The following ADGRA2 variants were observed in gnomAD, a reference collection of about 807,000 sequenced individuals.
The protein encoded by ADGRA2 is G-protein coupled receptor 124.
ADGRA2 carries 61 observed loss-of-function variants against 98.7 expected under a neutral mutation model. That is an observed-to-expected ratio of 0.62 (90% confidence interval 0.50 to 0.76). ADGRA2 has a LOEUF of 0.76. Ranked by LOEUF, ADGRA2 falls within the 30% of genes least tolerant of loss-of-function variation. ADGRA2 has a pLI of 0.00. For synonymous variants in ADGRA2, 858 were observed against 831.5 expected, an observed-to-expected ratio of 1.03 and a Z score of -0.55; for missense variants, 1,712 against 1,860.0, an observed-to-expected ratio of 0.92 and a Z score of 1.46.
rs1805878665 is a variant in ADGRA2, at chr8:37,843,521, A to C, written c.*1166A>C. ...CCGTCTTTTCCCCAACCTAAAACCAACCACCAGCATTTCACTACAGGACCA... is the reference window on the plus strand; with the variant it reads ...CCGTCTTTTCCCCAACCTAAAACCACCCACCAGCATTTCACTACAGGACCA... On this transcript the variant is annotated 3_prime_UTR_variant, in exon 19 of 19. Transcript: ENST00000412232. 6.6e-6 allele frequency: 1 copy of C among 152,146 alleles called. No individual in the cohort carries two copies. The highest frequency in any genetic ancestry group is 2.4e-5 in the African/African-American group (1 of 41,398). The allele number at this position is 152,146 out of a possible 1,614,324, so 9.4% of individuals were successfully genotyped here.
chr8:37,810,666 T>C (rs376561691), intron 1 of ADGRA2, among the ~76,000 whole-genome samples: 30 of 152,190 alleles, frequency 2.0e-4, no homozygotes, highest in African/African-American at 6.7e-4. Context: ...TGGCTACTTT[T>C]TAAAAAATGT....
chr8:37,839,601 C>T lies in ADGRA2; in HGVS notation c.2490C>T (p.Asn830=), dbSNP rs1217636556. ...AVFAGGITLT[N]YQMVCQAVGI... The stretch of plus-strand genomic sequence containing the variant: ...TTGCGGGGGGCATCACACTCACCAA[C>T]TACCAGATGGTCTGCCAGGCGGTAA... Residue 830 remains asparagine (N), a synonymous_variant, in exon 16 of 19, where the codon AAC becomes AAT. Transcript: ENST00000412232. The T allele has an allele frequency of 3.1e-6, 5 of 1,614,120 alleles. No homozygotes were observed. The highest frequency in any genetic ancestry group is 4.2e-6 in the Non-Finnish European group (5 of 1,179,996).
In ADGRA2 at chr8:37,829,489, A is replaced by G. The variant is rs1486773554; in HGVS notation, c.484A>G (p.Asn162Asp). 1 of 1,612,984 alleles carries G rather than the reference A, an allele frequency of 6.2e-7. No individual in the cohort carries two copies. Among genetic ancestry groups the G allele is most frequent in the Admixed American group, 1.7e-5 (1 of 60,016 alleles). Residue 162 changes from asparagine (N) to aspartate (D), a missense_variant and splice_region_variant, in exon 5 of 19, where the codon AAC becomes GAC. By Grantham distance (23) the Asn-to-Asp change is conservative (BLOSUM62 1). Coordinates refer to ENST00000412232, the MANE Select transcript of ADGRA2 (RefSeq NM_032777.10). ...FQGLPRLLRL[N>D]ISGNIFSSLQ... ...TCAGTTGTCCCCTGTTCCCTGCAGAAACATATCTGGAAACATCTTCTCCAG... is the reference window on the plus strand; with the variant it reads ...TCAGTTGTCCCCTGTTCCCTGCAGAGACATATCTGGAAACATCTTCTCCAG...
chr8:37,824,123 C>A (rs1284618861), intron 2 of ADGRA2, among the ~76,000 whole-genome samples: 1 of 152,148 alleles, frequency 6.6e-6, no homozygotes, highest in Non-Finnish European at 1.5e-5. Context: ...TCTCCGCCTC[C>A]TGGGTTCAAG....
In ADGRA2 at chr8:37,830,811, G is replaced by A. The variant is rs1163208436; in HGVS notation, c.820G>A (p.Gly274Ser). The change falls in exon 7 of 19, where the codon GGC becomes AGC. Residue 274 changes from glycine to serine, a missense_variant. Coordinates refer to ENST00000412232, the MANE Select transcript of ADGRA2 (RefSeq NM_032777.10). This position sits in a 1 kb window ranked among gnomAD's most constrained non-coding sequence, Gnocchi z 4.8. ...CTTCCAGTGCTCTGCCAGCTACCTG[G>A]GCAACGACACCCGCATCCGCTGGTA... ...LPFQCSASYL[G>S]NDTRIRWYHN... 1.3e-6 allele frequency: 2 copies of A among 1,592,088 alleles called. No individual in the cohort carries two copies. Among genetic ancestry groups the A allele is most frequent in the Admixed American group, 1.7e-5 (1 of 57,180 alleles).
intron 13 of ADGRA2, among the ~76,000 whole-genome samples, chr8:37,837,124 T>G (rs972771441): frequency 7.2e-5 from 11 of 152,204 alleles, no homozygotes; most frequent in African/African-American, 2.4e-4. Flanking sequence ...GGCACAGGGA[T>G]GAGGGACCAC....
Position 37,827,859 on chromosome 8 carries a change from C to T in ADGRA2, c.339-1029C>T, listed in dbSNP as rs188911143. On this transcript the variant is annotated intron_variant, in intron 2 of 18. Transcript: ENST00000412232. ...CATAAAAATACCCTCCTTGGCCAAG[C>T]GCGGTGGCTCACACCTGTAACCCCA... Among the ~76,000 whole-genome samples the T allele has an allele frequency of 5.7e-3, 865 of 152,298 alleles. 5 individuals carry two copies. Among genetic ancestry groups the T allele is most frequent in the African/African-American group, 0.02 (830 of 41,562 alleles).
At chr8:37,839,978 G>A (rs1034179144) in intron 16 of ADGRA2, 143 bp from the exon 17 acceptor site, 14 of 730,594 alleles carry the variant, frequency 1.9e-5, no homozygotes, top group South Asian at 3.8e-5. Context: ...GAAGCTTGGC[G>A]AGTGTATGGG....
At position 37,829,863 on chromosome 8, in the gene ADGRA2, C is replaced by T. The variant is rs776402355; in HGVS notation, c.567C>T (p.Thr189=). The part of the protein sequence containing the change: ...LPALKVVDLG[T]EFLTCDCHLR... ...GCCCACCCTGCAGGGACTTGGGCAC[C>T]GAGTTCCTGACCTGTGACTGCCACC... The change falls in exon 6 of 19, where the codon ACC becomes ACT. Residue 189 remains threonine (T), a synonymous_variant. Coordinates refer to ENST00000412232, the MANE Select transcript of ADGRA2 (RefSeq NM_032777.10). 1.4e-5 allele frequency: 22 copies of T among 1,611,584 alleles called. No homozygotes were observed. Among genetic ancestry groups the T allele is most frequent in the South Asian group, 6.6e-5 (6 of 90,846 alleles).
At position 37,842,567 on chromosome 8, in the gene ADGRA2, C is replaced by G; in HGVS notation, c.*212C>G. 1 of 815,226 alleles carries G rather than the reference C, an allele frequency of 1.2e-6. No homozygotes were observed. Among genetic ancestry groups the G allele is most frequent in the African/African-American group, 1.8e-5 (1 of 55,666 alleles). The allele number at this position is 815,226 out of a possible 1,614,324, so 50.5% of individuals were successfully genotyped here. On this transcript the variant is annotated 3_prime_UTR_variant, in exon 19 of 19. Transcript: ENST00000412232. Reference sequence around the variant, plus strand: ...AGAAACACGCATAATACATTTCCGTCCAGCCCGGGGCAGTCTGACTGTCGG... The same window carrying G: ...AGAAACACGCATAATACATTTCCGTGCAGCCCGGGGCAGTCTGACTGTCGG...
chr8:37,797,459 G>T lies in ADGRA2; in HGVS notation c.191G>T (p.Arg64Leu), dbSNP rs1804363851. 7.0e-7 allele frequency: 1 copy of T among 1,423,770 alleles called. No individual in the cohort carries two copies. Among genetic ancestry groups the T allele is most frequent in the East Asian group, 2.8e-5 (1 of 35,192 alleles). The allele number at this position is 1,423,770 out of a possible 1,614,324, so 88.2% of individuals were successfully genotyped here. A position where few individuals can be genotyped will look rare whatever the true frequency, so the allele number is the denominator to read the frequency against. The change falls in exon 1 of 19, where the codon CGG becomes CTG. Residue 64 changes from arginine to leucine, a missense_variant. Arg to Leu is a moderately radical substitution (Grantham distance 102). Coordinates refer to ENST00000412232, the MANE Select transcript of ADGRA2 (RefSeq NM_032777.10). The surrounding 1 kb of genome is among the most constrained non-coding windows in gnomAD (Gnocchi z 5.3). Reference sequence around the variant, plus strand: ...GGCGGCGTCCCTGGCCCGGCTCGGCGGAGGGTGGTGTGCAGCGGCGGGGAC... The same window carrying T: ...GGCGGCGTCCCTGGCCCGGCTCGGCTGAGGGTGGTGTGCAGCGGCGGGGAC... ...LSGGVPGPAR[R>L]RVVCSGGDLP...
rs1224674355 is a variant in ADGRA2 at position 37,839,638 on chromosome 8, G to A, written c.2511+16G>A. 3 of 1,612,876 alleles carry A rather than the reference G, an allele frequency of 1.9e-6. No individual in the cohort carries two copies. The highest frequency in any genetic ancestry group is 2.5e-6 in the Non-Finnish European group (3 of 1,179,372). On this transcript the variant is annotated intron_variant, in intron 16 of 18. Transcript: ENST00000412232. Reference sequence around the variant, plus strand: ...CTGCCAGGCGGTAAGCAGGAGAAGGGGCTCTGGGGGTGGTGCTCCGAGATG... The same window carrying A: ...CTGCCAGGCGGTAAGCAGGAGAAGGAGCTCTGGGGGTGGTGCTCCGAGATG...
Position 37,828,903 on chromosome 8 carries a change from C to A in ADGRA2, c.354C>A (p.Asn118Lys). Reference protein sequence around the residue: ...SLLEKLDLRNNIISTVQPGAF... With the variant: ...SLLEKLDLRNKIISTVQPGAF... ...GCCTCTGCAGGGACCTGAGGAACAACATCATCAGCACAGTGCAGCCGGGCG... is the reference window on the plus strand; with the variant it reads ...GCCTCTGCAGGGACCTGAGGAACAAAATCATCAGCACAGTGCAGCCGGGCG... Residue 118 changes from asparagine to lysine, a missense_variant, in exon 3 of 19, where the codon AAC becomes AAA. Transcript: ENST00000412232. The A allele has an allele frequency of 6.3e-7, 1 of 1,598,950 alleles. No individual in the cohort carries two copies. Among genetic ancestry groups the A allele is most frequent in the South Asian group, 1.1e-5 (1 of 88,744 alleles).
rs1805822468 is a variant in ADGRA2 at position 37,842,145 on chromosome 8, A to G, written c.3807A>G (p.Ala1269=). ...SAAPLSEAGR[A]GQRRSASRDS... is the part of the protein sequence containing the mutation. Reference sequence around the variant, plus strand: ...CGCCGCTTTCTGAGGCGGGCCGGGCAGGCCAGCGCCGCAGCGCCAGCCGCG... The same window carrying G: ...CGCCGCTTTCTGAGGCGGGCCGGGCGGGCCAGCGCCGCAGCGCCAGCCGCG... Residue 1269 remains alanine, a synonymous_variant, in exon 19 of 19, where the codon GCA becomes GCG. Transcript: ENST00000412232. 1.3e-6 allele frequency: 2 copies of G among 1,502,424 alleles called. No homozygotes were observed. Among genetic ancestry groups the G allele is most frequent in the African/African-American group, 2.9e-5 (2 of 69,162 alleles). 93.1% of individuals were successfully genotyped at this position (1,502,424 alleles called of 1,614,324 possible).
chr8:37,796,896 AGCGGCG>A lies in ADGRA2; in HGVS notation c.-361_-356del. ...GGAGCTGCCTCCATCCATGGCACGG[AGCGGCG>A]GCGGCGGCGGCAGCAGGAGCCCGGC... On this transcript the variant is annotated 5_prime_UTR_variant, in exon 1 of 19. Transcript: ENST00000412232. 6.5e-6 allele frequency: 1 copy of A among 153,282 alleles called. No homozygotes were observed. Among genetic ancestry groups the A allele is most frequent in the Non-Finnish European group, 1.5e-5 (1 of 68,922 alleles). The allele number at this position is 153,282 out of a possible 1,614,324, so 9.5% of individuals were successfully genotyped here.
intron 2 of ADGRA2, among the ~76,000 whole-genome samples, chr8:37,818,079 G>A (rs1805028297): frequency 6.6e-6 from 1 of 152,182 alleles, no homozygotes; most frequent in African/African-American, 2.4e-5. Flanking sequence ...AAGAGGGAAA[G>A]CAGCTAAGCA....
Position 37,844,486 on chromosome 8 carries a change from T to A in ADGRA2, c.*2131T>A, listed in dbSNP as rs1291648226. 1.2e-6 allele frequency: 2 copies of A among 1,611,110 alleles called. No homozygotes were observed. Among genetic ancestry groups the A allele is most frequent in the African/African-American group, 1.3e-5 (1 of 74,846 alleles). On this transcript the variant is annotated 3_prime_UTR_variant, in exon 19 of 19. Coordinates refer to ENST00000412232, the MANE Select transcript of ADGRA2 (RefSeq NM_032777.10). ...CAGGATGAAGTGCTCCCAGTGGATA[T>A]CCATCAGGGAGGGTTAGGGACACTC... is the stretch of plus-strand genomic sequence containing the variant.
intron 1 of ADGRA2, among the ~76,000 whole-genome samples, chr8:37,808,928 G>A (rs1303087856): frequency 2.0e-5 from 3 of 151,978 alleles, no homozygotes; most frequent in East Asian, 1.9e-4. Context: ...AGGTTCAAGC[G>A]ATTCTCCTGC....
In ADGRA2 at chr8:37,828,968, C is replaced by T; in HGVS notation, c.410+9C>T. 1.3e-6 allele frequency: 2 copies of T among 1,558,406 alleles called. No individual in the cohort carries two copies. Among genetic ancestry groups the T allele is most frequent in the Non-Finnish European group, 1.7e-6 (2 of 1,154,114 alleles). ...GGGGAGCTGAAGCGTTTGTGAGTGGCACGCCCTCCCCTGACCCCACCCCTC... is the reference window on the plus strand; with the variant it reads ...GGGGAGCTGAAGCGTTTGTGAGTGGTACGCCCTCCCCTGACCCCACCCCTC... On this transcript the variant is annotated intron_variant, in intron 3 of 18. Coordinates refer to ENST00000412232, the MANE Select transcript of ADGRA2 (RefSeq NM_032777.10).
Sources: gnomAD v4.1 joint callset for allele counts (sites outside exome capture counted in the v4.1 genomes callset) on GRCh38, gnomAD v4.1.1 for gene constraint, Gnocchi (gnomAD v3.1) non-coding constraint, MANE v1.5 for transcripts, NCBI Gene and HGNC (gene_info 2026-07-23, HGNC 2026-07-21) for gene names.